NKAIN2: variants seen among roughly 807,000 people sequenced by gnomAD.
NKAIN2 encodes the protein sodium/potassium transporting ATPase interacting 2.
Under a neutral mutation model 32.6 loss-of-function variants are expected in NKAIN2, and 14 were observed. The ratio of observed to expected loss-of-function variants is 0.43; its 90% CI spans 0.28 to 0.67. The LOEUF is 0.67. Among genes scored for constraint, NKAIN2 ranks in the 30% least tolerant of loss-of-function variants. The pLI, the probability that NKAIN2 is intolerant of heterozygous loss-of-function variation, is 0.17. For synonymous variants in NKAIN2, 80 were observed against 87.2 expected, an observed-to-expected ratio of 0.92 and a Z score of 0.46; for missense variants, 198 against 258.3, an observed-to-expected ratio of 0.77 and a Z score of 1.60.
At chr6:124,721,551 CAT>C (rs1324546932) in intron 4 of NKAIN2, among the ~76,000 whole-genome samples, 3 of 152,132 alleles carry the variant, frequency 2.0e-5, no homozygotes, top group Non-Finnish European at 4.4e-5. Context: ...GAATTACAAA[CAT>C]ATGTAATATA....
chr6:124,113,679 C>T (rs1785485876), intron 1 of NKAIN2, among the ~76,000 whole-genome samples: 1 of 152,156 alleles, frequency 6.6e-6, no homozygotes, highest in Non-Finnish European at 1.5e-5. Context: ...GATCCAAGCC[C>T]TTACCTCCCC....
chr6:124,105,624 A>G (rs28679805), intron 1 of NKAIN2, among the ~76,000 whole-genome samples: 16 of 152,334 alleles, frequency 1.1e-4, no homozygotes, highest in Admixed American at 6.5e-5. Context: ...TTATAAAAAG[A>G]TGGATTTAAG....
At chr6:124,429,401 T>C (rs1241100187) in intron 3 of NKAIN2, among the ~76,000 whole-genome samples, 2 of 152,094 alleles carry the variant, frequency 1.3e-5, no homozygotes, top group African/African-American at 2.4e-5. Context: ...CATTGCTGCA[T>C]TGGCTGAGAT....
At chr6:124,776,297 C>T (rs1482257785) in intron 4 of NKAIN2, among the ~76,000 whole-genome samples, 2 of 152,170 alleles carry the variant, frequency 1.3e-5, no homozygotes, top group African/African-American at 4.8e-5. Flanking sequence ...CCTACACTGG[C>T]TTCTTGCTGA....
chr6:124,468,727 G>A (rs1290356195), intron 3 of NKAIN2, among the ~76,000 whole-genome samples: 1 of 152,130 alleles, frequency 6.6e-6, no homozygotes, highest in East Asian at 1.9e-4. Flanking sequence ...AAGAAACACT[G>A]ATCGATGAAA....
rs140548825 is a variant in NKAIN2 at position 124,590,211 on chromosome 6, T to C, written c.274-67975T>C. Among the ~76,000 whole-genome samples, 3 of 152,302 alleles carry C rather than the reference T, an allele frequency of 2.0e-5. No homozygotes were observed. In the East Asian group the frequency reaches 5.8e-4, roughly 29 times the overall value. ...CTTAGGCCCTAAGGCCGTACTTTAG[T>C]GCTGAGGTTTTGCAACAACTGCTAC... On this transcript the variant is annotated intron_variant, in intron 3 of 6. Transcript: ENST00000368417.
At chr6:124,240,043 T>TA (rs1792999990) in intron 1 of NKAIN2, among the ~76,000 whole-genome samples, 1 of 151,768 alleles carries the variant, frequency 6.6e-6, no homozygotes, top group African/African-American at 2.4e-5. Flanking sequence ...ATAGGCACAA[T>TA]AAAAAATGAT....
chr6:124,412,227 G>C (rs563766227), intron 3 of NKAIN2, among the ~76,000 whole-genome samples: 4 of 152,266 alleles, frequency 2.6e-5, no homozygotes, highest in Non-Finnish European at 5.9e-5. Flanking sequence ...GTGAGGAGCT[G>C]TTCTTTTGGA....
At chr6:124,129,382 G>A (rs984984837) in intron 1 of NKAIN2, among the ~76,000 whole-genome samples, 6 of 152,150 alleles carry the variant, frequency 3.9e-5, no homozygotes, top group African/African-American at 1.4e-4. Flanking sequence ...TGCCCATCAG[G>A]ACAGATGTGC....
At chr6:124,359,598 C>A (rs1799170068) in intron 3 of NKAIN2, among the ~76,000 whole-genome samples, 1 of 152,078 alleles carries the variant, frequency 6.6e-6, no homozygotes, top group Non-Finnish European at 1.5e-5. Context: ...TATAAGAATG[C>A]TTGTGATTTT....
At chr6:124,060,938 A>G (rs1782894698) in intron 1 of NKAIN2, among the ~76,000 whole-genome samples, 1 of 152,098 alleles carries the variant, frequency 6.6e-6, no homozygotes, top group African/African-American at 2.4e-5. Context: ...ATGATGGATA[A>G]AAAAAGAGCA....
intron 1 of NKAIN2, among the ~76,000 whole-genome samples, chr6:124,232,312 G>T (rs777847943): frequency 6.6e-6 from 1 of 152,118 alleles, no homozygotes; most frequent in Non-Finnish European, 1.5e-5. Context: ...AGGTTTGCTA[G>T]ATGAACTAGA....
intron 5 of NKAIN2, among the ~76,000 whole-genome samples, chr6:124,812,352 C>A (rs1269375673): frequency 6.6e-6 from 1 of 152,156 alleles, no homozygotes; most frequent in Non-Finnish European, 1.5e-5. Flanking sequence ...TTTTCCTTTA[C>A]AGCCTAAAGG....
chr6:123,824,730 TAA>T, intron 1 of NKAIN2, among the ~76,000 whole-genome samples: 1 of 141,768 alleles, frequency 7.1e-6, no homozygotes, highest in South Asian at 2.3e-4. Flanking sequence ...AACTTAAAAT[TAA>T]AAAAAAAAAA....
intron 1 of NKAIN2, among the ~76,000 whole-genome samples, chr6:124,044,427 G>C (rs928126063): frequency 2.0e-5 from 3 of 151,974 alleles, no homozygotes; most frequent in Non-Finnish European, 4.4e-5. Context: ...GTTTACTTCA[G>C]GATGATCAGG....
At chr6:123,959,654 A>G (rs1777751836) in intron 1 of NKAIN2, among the ~76,000 whole-genome samples, 1 of 152,086 alleles carries the variant, frequency 6.6e-6, no homozygotes, top group African/African-American at 2.4e-5. Flanking sequence ...TAGAGCAGAA[A>G]TATATTAATT....
At chr6:124,407,526 C>A (rs1216182433) in intron 3 of NKAIN2, among the ~76,000 whole-genome samples, 3 of 152,100 alleles carry the variant, frequency 2.0e-5, no homozygotes, top group Non-Finnish European at 2.9e-5. Context: ...GACATGAACT[C>A]ATCATTTTTT....
chr6:124,444,489 C>T (rs912935078), intron 3 of NKAIN2, among the ~76,000 whole-genome samples: 1 of 151,972 alleles, frequency 6.6e-6, no homozygotes, highest in South Asian at 2.1e-4. Flanking sequence ...TGCCTTTAAA[C>T]ATAAGACACG....
At chr6:124,474,487 A>T (rs572146599) in intron 3 of NKAIN2, among the ~76,000 whole-genome samples, 40 of 152,212 alleles carry the variant, frequency 2.6e-4, no homozygotes, top group African/African-American at 9.4e-4. Context: ...TTTAAGTATT[A>T]CTGGTAGTTG....
Sources: allele counts gnomAD v4.1 joint callset (sites outside exome capture counted in the v4.1 genomes callset), GRCh38; gene constraint gnomAD v4.1.1; transcripts MANE v1.5; gene names NCBI Gene and HGNC (gene_info 2026-07-23, HGNC 2026-07-21).